The following RBMS1 variants were observed in gnomAD, a reference collection of about 807,000 sequenced individuals.
RBMS1 encodes the protein RNA binding motif single stranded interacting protein 1.
A neutral mutation model predicts 62.3 loss-of-function variants in RBMS1; 17 were observed. The observed-to-expected ratio is 0.27, with a 90% CI of 0.19 to 0.41. RBMS1 has a LOEUF of 0.41. Ranked by LOEUF, RBMS1 falls within the 10% of genes least tolerant of loss-of-function variation. RBMS1 has a pLI of 1.00. For synonymous variants in RBMS1, 172 were observed against 170.0 expected (o/e 1.01, Z -0.09); for missense variants, 334 against 504.5 (o/e 0.66, Z 3.24).
chr2:160,472,461 A>G (rs1684962154), intron 1 of RBMS1, among the ~76,000 whole-genome samples: 1 of 152,202 alleles, frequency 6.6e-6, no homozygotes, highest in Admixed American at 6.5e-5. Context: ...CTATAACTAT[A>G]AAATTAGCCT....
intron 2 of RBMS1, among the ~76,000 whole-genome samples, chr2:160,340,227 T>C (rs1691798634): frequency 6.6e-6 from 1 of 152,166 alleles, no homozygotes; most frequent in Admixed American, 6.5e-5. Context: ...ATTTAAGGAC[T>C]ATAGGTTAAA....
intron 2 of RBMS1, among the ~76,000 whole-genome samples, chr2:160,333,544 C>T (rs573298008): frequency 2.6e-5 from 4 of 152,300 alleles, no homozygotes; most frequent in South Asian, 2.1e-4. Context: ...TCAGTAATTG[C>T]TCCAGGCCCC....
At chr2:160,379,225 A>T (rs1157752621) in intron 1 of RBMS1, among the ~76,000 whole-genome samples, 1 of 152,148 alleles carries the variant, frequency 6.6e-6, no homozygotes, top group African/African-American at 2.4e-5. Flanking sequence ...CTGTCTTAAA[A>T]AAAAAAAAAA....
chr2:160,483,399 T>G (rs1180526322), intron 1 of RBMS1, among the ~76,000 whole-genome samples: 1 of 152,236 alleles, frequency 6.6e-6, no homozygotes, highest in Non-Finnish European at 1.5e-5. Context: ...TTATGCTAAT[T>G]AAGTACTTTT....
chr2:160,381,321 A>C (rs1269376131), intron 1 of RBMS1, among the ~76,000 whole-genome samples: 3 of 152,170 alleles, frequency 2.0e-5, no homozygotes, highest in Non-Finnish European at 4.4e-5. Context: ...TCTTTTTGTT[A>C]CTATCAAAAT....
chr2:160,311,234 A>G (rs867903829), intron 4 of RBMS1, among the ~76,000 whole-genome samples: 2 of 107,448 alleles, frequency 1.9e-5, no homozygotes, highest in African/African-American at 6.5e-5. Flanking sequence ...CTATCTATCT[A>G]TATATATATA....
At chr2:160,335,658 T>C (rs2105988537) in intron 2 of RBMS1, among the ~76,000 whole-genome samples, 1 of 152,322 alleles carries the variant, frequency 6.6e-6, no homozygotes. Flanking sequence ...GATGTAACTG[T>C]ATCCCATATA....
At chr2:160,389,183 A>G (rs543423026) in intron 1 of RBMS1, among the ~76,000 whole-genome samples, 2 of 152,324 alleles carry the variant, frequency 1.3e-5, no homozygotes, top group Non-Finnish European at 2.9e-5. Flanking sequence ...CACACCCTGG[A>G]TGTGTTCTGG....
In RBMS1 at chr2:160,418,677, C is replaced by A. The variant is rs560044134; in HGVS notation, c.76-51286G>T. ...TTAACTGCTGGTGTGATGATAAAACCAACATGAAAAACTGAAACAAACCAG... is the reference window on the plus strand; with the variant it reads ...TTAACTGCTGGTGTGATGATAAAACAAACATGAAAAACTGAAACAAACCAG... On this transcript the variant is annotated intron_variant, in intron 1 of 13. Coordinates refer to ENST00000348849, the MANE Select transcript of RBMS1 (RefSeq NM_016836.4). Among the ~76,000 whole-genome samples, 339 of 152,218 alleles carry A rather than the reference C, an allele frequency of 2.2e-3. 1 individual carries two copies. The highest frequency in any genetic ancestry group is 7.8e-3 in the African/African-American group (323 of 41,524).
intron 1 of RBMS1, among the ~76,000 whole-genome samples, chr2:160,453,590 G>A (rs1684090653): frequency 6.6e-6 from 1 of 151,954 alleles, no homozygotes; most frequent in Non-Finnish European, 1.5e-5. Context: ...GCCCTCTTAT[G>A]TCACTTCCCC....
intron 1 of RBMS1, among the ~76,000 whole-genome samples, chr2:160,392,462 A>G (rs78137647): frequency 6.7e-6 from 1 of 149,126 alleles, no homozygotes; most frequent in South Asian, 2.1e-4. Flanking sequence ...GCCCTTCACA[A>G]AAAAAAAAAA....
chr2:160,395,623 C>CAAAA (rs776181927), intron 1 of RBMS1, among the ~76,000 whole-genome samples: 7 of 53,034 alleles, frequency 1.3e-4, no homozygotes, highest in Admixed American at 3.7e-4. Flanking sequence ...GACTCCGTCT[C>CAAAA]AAAAAAAAAA....
chr2:160,482,123 T>C (rs1685396869), intron 1 of RBMS1, among the ~76,000 whole-genome samples: 1 of 151,992 alleles, frequency 6.6e-6, no homozygotes, highest in Admixed American at 6.6e-5. Flanking sequence ...CCAATACACA[T>C]AGCATTAAAA....
At chr2:160,295,073 T>C (rs917078885) in intron 6 of RBMS1, among the ~76,000 whole-genome samples, 19 of 152,066 alleles carry the variant, frequency 1.2e-4, no homozygotes, top group Non-Finnish European at 2.2e-4. Flanking sequence ...CTCTTTCACA[T>C]TCTTTGTGGG....
chr2:160,318,350 G>A (rs4305226), intron 2 of RBMS1, 123 bp from the exon 3 acceptor site: 1 of 1,347,298 alleles, frequency 7.4e-7, no homozygotes, highest in Non-Finnish European at 9.7e-7. Context: ...GCAAACTTTA[G>A]AGTACAAAAT....
intron 1 of RBMS1, among the ~76,000 whole-genome samples, chr2:160,491,111 A>G (rs1574126210): frequency 0.12 from 1 of 8 alleles, no homozygotes; most frequent in Non-Finnish European, 0.25. Flanking sequence ...TAAGGGAGAG[A>G]AAAAAAAAAG....
At chr2:160,485,876 G>A (rs1324610504) in intron 1 of RBMS1, among the ~76,000 whole-genome samples, 2 of 151,862 alleles carry the variant, frequency 1.3e-5, no homozygotes, top group African/African-American at 4.8e-5. Context: ...GAGAGTCGTG[G>A]GAGTATTTCA....
intron 1 of RBMS1, among the ~76,000 whole-genome samples, chr2:160,386,319 C>T (rs1253048274): frequency 2.0e-5 from 3 of 152,132 alleles, no homozygotes; most frequent in Non-Finnish European, 2.9e-5. Context: ...AGGTGGATCA[C>T]GAGGTCAAGA....
At chr2:160,335,239 A>G (rs1048819028) in intron 2 of RBMS1, among the ~76,000 whole-genome samples, 1 of 152,138 alleles carries the variant, frequency 6.6e-6, no homozygotes, top group Non-Finnish European at 1.5e-5. Context: ...TTATCAAACT[A>G]ATGAACCAAG....
Sources: gnomAD v4.1 joint callset for allele counts (sites outside exome capture counted in the v4.1 genomes callset) on GRCh38, gnomAD v4.1.1 for gene constraint, MANE v1.5 for transcripts, NCBI Gene and HGNC (gene_info 2026-07-23, HGNC 2026-07-21) for gene names.